RRM2: variants seen among roughly 807,000 people sequenced by gnomAD.
The protein encoded by RRM2 is ribonucleoside-diphosphate reductase subunit M2.
RRM2 carries 6 observed loss-of-function variants against 45.9 expected under a neutral mutation model. That is an observed-to-expected ratio of 0.13 (90% CI 0.07 to 0.26). The LOEUF is 0.26. Ranked by LOEUF, RRM2 falls within the 10% of genes least tolerant of loss-of-function variation. RRM2 has a pLI of 1.00. For synonymous variants in RRM2, 177 were observed against 173.0 expected, an observed-to-expected ratio of 1.02 and a Z score of -0.18; for missense variants, 343 against 489.5, an observed-to-expected ratio of 0.70 and a Z score of 2.82.
chr2:10,132,801 T>C (rs1662924823), downstream of RRM2, among the ~76,000 whole-genome samples: 2 of 152,156 alleles, frequency 1.3e-5, no homozygotes, highest in Non-Finnish European at 2.9e-5. Context: ...CAGCCAGGCG[T>C]CAAGAAGATG....
intron 3 of RRM2, 97 bp downstream of exon 3, chr2:10,123,627 T>TG (rs1486460533): frequency 4.7e-6 from 7 of 1,491,430 alleles, no homozygotes; most frequent in Non-Finnish European, 6.4e-6. Context: ...GGGCTAACTG[T>TG]GGGGCATAGT....
At chr2:10,123,290 C>T (rs1662706203) in intron 2 of RRM2, 97 bp from the exon 3 acceptor site, 2 of 1,439,338 alleles carry the variant, frequency 1.4e-6, no homozygotes, top group Non-Finnish European at 1.9e-6. Context: ...CATCGGGCCC[C>T]GTGAAATTGC....
chr2:10,180,918 C>T (rs1364323648), intron 3 of RRM2, among the ~76,000 whole-genome samples: 1 of 152,116 alleles, frequency 6.6e-6, no homozygotes, highest in Admixed American at 6.6e-5. Context: ...AGGCACGCAC[C>T]ACCATGTCTG....
At chr2:10,126,397 G>T (rs1662781565) in intron 5 of RRM2, 1 of 155,632 alleles carries the variant, frequency 6.4e-6, no homozygotes, top group Admixed American at 6.4e-5. Context: ...CTAGTAGGAA[G>T]CAATCTTAGT....
intron 3 of RRM2, among the ~76,000 whole-genome samples, chr2:10,168,955 T>G (rs1280379970): frequency 2.6e-5 from 4 of 152,058 alleles, no homozygotes; most frequent in African/African-American, 9.7e-5. Flanking sequence ...CACTTGCTTC[T>G]CTTAATTATT....
chr2:10,150,039 C>T (rs1259077464), intron 3 of RRM2, among the ~76,000 whole-genome samples: 2 of 152,266 alleles, frequency 1.3e-5, no homozygotes, highest in East Asian at 1.9e-4. Flanking sequence ...TGTAGCTGGG[C>T]GCAGTGGCTC....
At position 10,129,602 on chromosome 2, in the gene RRM2, C is replaced by T; in HGVS notation, c.*216C>T. ...GAAGGCCTGGCTGGCTGTGACTTACCATAGCAGTGACAATGGCAGTCTTGG... is the reference window on the plus strand; with the variant it reads ...GAAGGCCTGGCTGGCTGTGACTTACTATAGCAGTGACAATGGCAGTCTTGG... On this transcript the variant is annotated 3_prime_UTR_variant, in exon 10 of 10. Coordinates refer to ENST00000304567, the MANE Select transcript of RRM2 (RefSeq NM_001034.4). The surrounding 1 kb of genome is among the most constrained non-coding windows in gnomAD (Gnocchi z 4.8). 2 of 558,656 alleles carry T rather than the reference C, an allele frequency of 3.6e-6. No homozygotes were observed. The highest frequency in any genetic ancestry group is 3.5e-5 in the Admixed American group (1 of 28,788). The allele number at this position is 558,656 out of a possible 1,614,324, so 34.6% of individuals were successfully genotyped here. A position where few individuals can be genotyped will look rare whatever the true frequency, so the allele number is the denominator to read the frequency against.
chr2:10,164,547 G>A lies in RRM2; in HGVS notation n.482+22172G>A, dbSNP rs140126900. Reference sequence around the variant, plus strand: ...TCGGGTGCACTCAGTGCTCACGGGCGAAGTGAGCAGGCTGGCATCTGTTTG... The same window carrying A: ...TCGGGTGCACTCAGTGCTCACGGGCAAAGTGAGCAGGCTGGCATCTGTTTG... On this transcript the variant is annotated intron_variant and non_coding_transcript_variant, in intron 3 of 3. Coordinates refer to the RRM2 transcript ENST00000381786. Among the ~76,000 whole-genome samples, 71 of 152,322 alleles carry A rather than the reference G, an allele frequency of 4.7e-4. 1 individual carries two copies. Among genetic ancestry groups the A allele is most frequent in the African/African-American group, 1.6e-3 (67 of 41,552 alleles).
chr2:10,125,364 G>T (rs1662756445), intron 5 of RRM2, among the ~76,000 whole-genome samples: 1 of 152,194 alleles, frequency 6.6e-6, no homozygotes, highest in African/African-American at 2.4e-5. Context: ...TTTGGAGATT[G>T]GAGGTGGGGG....
chr2:10,131,756 G>T (rs1662906080), downstream of RRM2, among the ~76,000 whole-genome samples: 2 of 152,220 alleles, frequency 1.3e-5, no homozygotes, highest in African/African-American at 4.8e-5. Flanking sequence ...GGTGTTTTTT[G>T]TAAAGGCTAA....
chr2:10,135,511 T>C (rs1662973606), downstream of RRM2, among the ~76,000 whole-genome samples: 1 of 151,394 alleles, frequency 6.6e-6, no homozygotes, highest in Admixed American at 6.6e-5. Context: ...TGCGTGCGGG[T>C]GTGGGATGTG....
chr2:10,186,887 C>T (rs553089782), intron 3 of RRM2, among the ~76,000 whole-genome samples: 2 of 152,244 alleles, frequency 1.3e-5, no homozygotes, highest in Non-Finnish European at 2.9e-5. Flanking sequence ...GTCTTCTGTG[C>T]TCCATGCTCT....
intron 4 of RRM2, chr2:10,124,068 G>T: frequency 1.9e-6 from 1 of 534,110 alleles, no homozygotes; most frequent in African/African-American, 1.9e-5. Context: ...TTAAGTGGTA[G>T]CAATGTGATG....
At chr2:10,164,279 C>T (rs548289292) in intron 3 of RRM2, among the ~76,000 whole-genome samples, 2 of 152,286 alleles carry the variant, frequency 1.3e-5, no homozygotes, top group South Asian at 4.1e-4. Flanking sequence ...CTCCACCTCA[C>T]CAGCTGTGTG....
intron 3 of RRM2, among the ~76,000 whole-genome samples, chr2:10,194,802 T>G (rs535492339): frequency 6.6e-6 from 1 of 152,352 alleles, no homozygotes; most frequent in South Asian, 2.1e-4. Context: ...CTCCCCTGCG[T>G]CCTCATCTGT....
In RRM2 at chr2:10,170,839, C is replaced by T. The variant is rs117836295; in HGVS notation, n.482+28464C>T. 3.3e-4 allele frequency among the ~76,000 whole-genome samples: 50 copies of T among 152,310 alleles called. No homozygotes were observed. The East Asian group carries it at 8.1e-3, about 25-fold the overall frequency. On this transcript the variant is annotated intron_variant and non_coding_transcript_variant, in intron 3 of 3. Coordinates refer to the RRM2 transcript ENST00000381786. Reference sequence around the variant, plus strand: ...CAGCCACAGCCCTTTGAGAGCACAGCGGAATGAACGCCTGATTAGGAATCA... The same window carrying T: ...CAGCCACAGCCCTTTGAGAGCACAGTGGAATGAACGCCTGATTAGGAATCA...
intron 3 of RRM2, among the ~76,000 whole-genome samples, chr2:10,153,204 C>T (rs952256013): frequency 2.6e-5 from 4 of 151,942 alleles, no homozygotes; most frequent in Non-Finnish European, 5.9e-5. Context: ...TGTGCTGGCG[C>T]GCACCTGTAG....
chr2:10,167,253 T>A (rs761337336), intron 3 of RRM2, among the ~76,000 whole-genome samples: 2 of 152,184 alleles, frequency 1.3e-5, no homozygotes, highest in Non-Finnish European at 2.9e-5. Flanking sequence ...GATAAAAGAT[T>A]GAACCAATCA....
downstream of RRM2, among the ~76,000 whole-genome samples, chr2:10,133,844 T>G (rs990000788): frequency 3.6e-4 from 54 of 152,056 alleles, no homozygotes; most frequent in South Asian, 4.2e-4. Context: ...CGAACTCCTC[T>G]TGCTTCAAAC....
Sources: allele counts gnomAD v4.1 joint callset (sites outside exome capture counted in the v4.1 genomes callset), GRCh38; gene constraint gnomAD v4.1.1; non-coding constraint Gnocchi (gnomAD v3.1); transcripts MANE v1.5; gene names NCBI Gene and HGNC (gene_info 2026-07-23, HGNC 2026-07-21).